ATG10: variants seen among roughly 807,000 people sequenced by gnomAD.
The protein encoded by ATG10 is ubiquitin-like-conjugating enzyme ATG10.
ATG10 carries 30 observed loss-of-function variants against 32.1 expected under a neutral mutation model. The ratio of observed to expected loss-of-function variants is 0.94; its 90% CI spans 0.70 to 1.27. The LOEUF (loss-of-function observed/expected upper bound fraction) is 1.27, where lower values mean the gene tolerates loss of function less well. Ranked by LOEUF, ATG10 falls within the 50% of genes most tolerant of loss-of-function variation. The pLI is 0.00. For missense variants in ATG10, 233 were observed against 262.3 expected, an observed-to-expected ratio of 0.89 and a Z score of 0.77; for synonymous variants, 87 against 91.5, an observed-to-expected ratio of 0.95 and a Z score of 0.28.
chr5:82,034,861 A>T (rs1762862050), intron 2 of ATG10, among the ~76,000 whole-genome samples: 2 of 152,104 alleles, frequency 1.3e-5, no homozygotes, highest in Non-Finnish European at 2.9e-5. Context: ...GCATCTTCTC[A>T]ACACTATCAT....
At chr5:82,077,112 A>G (rs574164882) in intron 3 of ATG10, among the ~76,000 whole-genome samples, 1 of 152,320 alleles carries the variant, frequency 6.6e-6, no homozygotes, top group East Asian at 1.9e-4. Flanking sequence ...GCTTCAGCTC[A>G]GGAGTTCGAG....
At chr5:82,197,702 TTTTC>T (rs71605825) in intron 5 of ATG10, among the ~76,000 whole-genome samples, 1,647 of 147,636 alleles carry the variant, frequency 0.011, 22 homozygotes, top group African/African-American at 0.024. Context: ...TGTCCCATTA[TTTTC>T]TTTCTTTCTT....
intron 1 of ATG10, among the ~76,000 whole-genome samples, chr5:81,977,568 G>A (rs1010132407): frequency 3.9e-5 from 6 of 152,176 alleles, no homozygotes; most frequent in South Asian, 2.1e-4. Flanking sequence ...TTCTCCACCC[G>A]AGCTATGCTC....
chr5:82,051,782 A>G (rs1300857826), intron 2 of ATG10, among the ~76,000 whole-genome samples: 4 of 152,200 alleles, frequency 2.6e-5, no homozygotes, highest in South Asian at 2.1e-4. Context: ...TTCTACATCC[A>G]TAACAGTTCC....
chr5:82,015,828 G>T (rs1006036236), intron 2 of ATG10, among the ~76,000 whole-genome samples: 6 of 152,194 alleles, frequency 3.9e-5, no homozygotes, highest in African/African-American at 1.4e-4. Context: ...CTCTCAACTT[G>T]TCAAAGTCAT....
intron 3 of ATG10, among the ~76,000 whole-genome samples, chr5:82,139,975 C>CCGGG (rs1767009883): frequency 3.1e-5 from 4 of 128,318 alleles, no homozygotes; most frequent in Admixed American, 1.5e-4. Context: ...GCCGCCCCGT[C>CCGGG]AGGGAGGTGA....
At chr5:82,122,354 A>G (rs905245176) in intron 3 of ATG10, among the ~76,000 whole-genome samples, 8 of 152,294 alleles carry the variant, frequency 5.3e-5, no homozygotes, top group African/African-American at 1.9e-4. Context: ...TCGTATACAA[A>G]AATCGACTCA....
At chr5:82,188,230 T>C (rs1411694662) in intron 5 of ATG10, among the ~76,000 whole-genome samples, 1 of 152,224 alleles carries the variant, frequency 6.6e-6, no homozygotes, top group Non-Finnish European at 1.5e-5. Context: ...TTTATTTCAC[T>C]ACATAATAAA....
intron 1 of ATG10, among the ~76,000 whole-genome samples, chr5:81,977,095 T>C (rs1043992072): frequency 1.7e-4 from 26 of 152,116 alleles, no homozygotes; most frequent in Non-Finnish European, 1.3e-4. Context: ...AGGCTGGTCT[T>C]GAATTCCTGA....
intron 2 of ATG10, among the ~76,000 whole-genome samples, chr5:82,029,539 G>C (rs147716865): frequency 2.2e-3 from 334 of 152,210 alleles, no homozygotes; most frequent in African/African-American, 7.7e-3. Context: ...TTCAGAGAAT[G>C]GAATAAAAAA....
At chr5:82,241,084 A>G (rs1247993551) in intron 5 of ATG10, among the ~76,000 whole-genome samples, 3 of 152,234 alleles carry the variant, frequency 2.0e-5, no homozygotes, top group East Asian at 1.9e-4. Flanking sequence ...ATATAAATTG[A>G]TAAGAAAATC....
intron 3 of ATG10, among the ~76,000 whole-genome samples, chr5:82,132,494 A>G (rs1397462629): frequency 6.7e-6 from 1 of 148,548 alleles, no homozygotes; most frequent in African/African-American, 2.5e-5. Flanking sequence ...TAAGAGTGAG[A>G]ACATGCAGTG....
intron 3 of ATG10, among the ~76,000 whole-genome samples, chr5:82,060,188 C>T (rs1462531633): frequency 6.6e-6 from 1 of 152,068 alleles, no homozygotes; most frequent in Non-Finnish European, 1.5e-5. Flanking sequence ...CAACATTTTT[C>T]ATTTCCAACA....
At chr5:82,206,935 G>T (rs2149972583) in intron 5 of ATG10, among the ~76,000 whole-genome samples, 1 of 152,222 alleles carries the variant, frequency 6.6e-6, no homozygotes, top group Middle Eastern at 3.4e-3. Context: ...CCCAATTTGT[G>T]TTTGTGAGAA....
In ATG10 at chr5:82,041,317, G is replaced by A. The variant is rs555699153; in HGVS notation, c.109-17178G>A. Reference sequence around the variant, plus strand: ...CCAGGGCAGAGATTTTATGTATCTTGCTCACTAGTGGTTTCACTAGTACAT... The same window carrying A: ...CCAGGGCAGAGATTTTATGTATCTTACTCACTAGTGGTTTCACTAGTACAT... On this transcript the variant is annotated intron_variant, in intron 2 of 7. Transcript: ENST00000282185. Among the ~76,000 whole-genome samples the A allele has an allele frequency of 3.3e-5, 5 of 152,188 alleles. No individual in the cohort carries two copies. In the South Asian group the frequency reaches 1.0e-3, roughly 32 times the overall value.
At chr5:82,202,355 A>C (rs1392430686) in intron 5 of ATG10, among the ~76,000 whole-genome samples, 1 of 152,196 alleles carries the variant, frequency 6.6e-6, no homozygotes, top group African/African-American at 2.4e-5. Flanking sequence ...CAGAAAAAAA[A>C]ACTGACCTCC....
At chr5:82,217,290 A>G (rs1745728061) in intron 5 of ATG10, among the ~76,000 whole-genome samples, 1 of 152,096 alleles carries the variant, frequency 6.6e-6, no homozygotes, top group South Asian at 2.1e-4. Context: ...CCTATATAAA[A>G]TGGGAGAAAT....
At chr5:82,109,215 G>C (rs1468849609) in intron 3 of ATG10, among the ~76,000 whole-genome samples, 1 of 152,056 alleles carries the variant, frequency 6.6e-6, no homozygotes, top group Non-Finnish European at 1.5e-5. Flanking sequence ...TTGCATTCTT[G>C]CTGTGTGCAA....
rs1484183982 is a variant in ATG10, at chr5:82,036,365, G to A, written c.109-22130G>A. 3.3e-5 allele frequency among the ~76,000 whole-genome samples: 5 copies of A among 152,168 alleles called. No homozygotes were observed. In the South Asian group the frequency reaches 6.2e-4, roughly 19 times the overall value. On this transcript the variant is annotated intron_variant, in intron 2 of 7. Coordinates refer to ENST00000282185, the MANE Select transcript of ATG10 (RefSeq NM_031482.5). ...TCCTAGAACTTTGGGAGGCTGAGGCGGGCAGATCACCTGATGTCAGGAGTT... is the reference window on the plus strand; with the variant it reads ...TCCTAGAACTTTGGGAGGCTGAGGCAGGCAGATCACCTGATGTCAGGAGTT...
Sources: allele counts gnomAD v4.1 joint callset (sites outside exome capture counted in the v4.1 genomes callset), GRCh38; gene constraint gnomAD v4.1.1; transcripts MANE v1.5; gene names NCBI Gene and HGNC (gene_info 2026-07-23, HGNC 2026-07-21).